The following PPIL3 variants were observed in gnomAD, a reference collection of about 807,000 sequenced individuals.
PPIL3 encodes the protein peptidylprolyl isomerase like 3, also known as peptidyl-prolyl cis-trans isomerase-like 3.
PPIL3 carries 13 observed loss-of-function variants against 20.9 expected under a neutral mutation model. The observed-to-expected ratio is 0.62, with a 90% CI of 0.40 to 0.99. The LOEUF (loss-of-function observed/expected upper bound fraction) is 0.99. PPIL3 is among the 50% of genes least tolerant of loss of function. The pLI, the probability that PPIL3 is intolerant of heterozygous loss-of-function variation, is 0.00. For missense variants in PPIL3, 170 were observed against 195.2 expected (o/e 0.87, Z 0.77); for synonymous variants, 71 against 64.4 (o/e 1.10, Z -0.49).
intron 3 of PPIL3, among the ~76,000 whole-genome samples, chr2:200,884,378 G>A (rs1211697675): frequency 3.3e-5 from 5 of 151,436 alleles, no homozygotes; most frequent in Non-Finnish European, 7.4e-5. Context: ...CTCCAGCCTG[G>A]GCAACAAGAG....
At position 200,886,874 on chromosome 2, in the gene PPIL3, A is replaced by G. The variant is rs986025274; in HGVS notation, c.3+739T>C. On this transcript the variant is annotated intron_variant, in intron 2 of 6. Transcript: ENST00000392283. ...AGACGGGGGCCTCACTGTGTTGCCCAAGCTGGTGTTGAACTCCTGGGATCA... is the reference window on the plus strand; with the variant it reads ...AGACGGGGGCCTCACTGTGTTGCCCGAGCTGGTGTTGAACTCCTGGGATCA... 5.7e-4 allele frequency: 86 copies of G among 152,174 alleles called. 6 individuals carry two copies. 9.4% of individuals were successfully genotyped at this position (152,174 alleles called of 1,614,324 possible). A position where few individuals can be genotyped will look rare whatever the true frequency, so the allele number is the denominator to read the frequency against.
Position 200,871,278 on chromosome 2 carries a change from G to T in PPIL3, c.*117C>A. The T allele has an allele frequency of 8.9e-7, 1 of 1,118,132 alleles. No homozygotes were observed. The highest frequency in any genetic ancestry group is 1.3e-6 in the Non-Finnish European group (1 of 799,486). The allele number at this position is 1,118,132 out of a possible 1,614,324, so 69.3% of individuals were successfully genotyped here. ...CCCTTGGTACCACCATTTCATAGAAGATCATAGTTGTAAACAAGCAGAAGG... is the reference window on the plus strand; with the variant it reads ...CCCTTGGTACCACCATTTCATAGAATATCATAGTTGTAAACAAGCAGAAGG... On this transcript the variant is annotated 3_prime_UTR_variant, in exon 7 of 7. Coordinates refer to ENST00000392283, the MANE Select transcript of PPIL3 (RefSeq NM_130906.3).
rs987431088 is a variant in PPIL3, at chr2:200,887,750, T to C, written c.-70-65A>G. The C allele has an allele frequency of 4.6e-6, 3 of 648,026 alleles. No individual in the cohort carries two copies. In the African/African-American group the frequency reaches 5.6e-5, roughly 12 times the overall value. 40.1% of individuals were successfully genotyped at this position (648,026 alleles called of 1,614,324 possible). A position where few individuals can be genotyped will look rare whatever the true frequency, so the allele number is the denominator to read the frequency against. Reference sequence around the variant, plus strand: ...GTCTTAACTCACACACGCTCATCTTTACTGAACATTTTAAATAAAAACCTC... The same window carrying C: ...GTCTTAACTCACACACGCTCATCTTCACTGAACATTTTAAATAAAAACCTC... On this transcript the variant is annotated intron_variant, in intron 1 of 6. Transcript: ENST00000392283.
intron 1 of PPIL3, chr2:200,888,243 C>G (rs1034590722): frequency 1.3e-5 from 2 of 151,996 alleles, no homozygotes; most frequent in African/African-American, 4.8e-5. Context: ...TTGGGTGTCC[C>G]TTTTGCCTGG....
chr2:200,874,948 T>A (rs1366513426), intron 6 of PPIL3, among the ~76,000 whole-genome samples: 7 of 152,062 alleles, frequency 4.6e-5, no homozygotes, highest in Non-Finnish European at 7.4e-5. Flanking sequence ...AGACTGGGAG[T>A]CCTCTATTTT....
intron 2 of PPIL3, among the ~76,000 whole-genome samples, 161 bp from the exon 3 acceptor site, chr2:200,885,933 A>G (rs1158286636): frequency 6.6e-6 from 1 of 152,222 alleles, no homozygotes; most frequent in African/African-American, 2.4e-5. Context: ...TTAGAGGTTA[A>G]GTTGTACTTT....
At chr2:200,886,502 T>G (rs955286374) in intron 2 of PPIL3, among the ~76,000 whole-genome samples, 9 of 151,832 alleles carry the variant, frequency 5.9e-5, no homozygotes, top group African/African-American at 2.2e-4. Context: ...CTCGGCTCAC[T>G]ACAATCTCCA....
In PPIL3 at chr2:200,886,638, C is replaced by G. The variant is rs186883309; in HGVS notation, c.4-866G>C. Reference sequence around the variant, plus strand: ...ACAGGGTTTCACCATGTTGGCCAGGCTGGTCTCGAACTCCTGACCTCAAGT... The same window carrying G: ...ACAGGGTTTCACCATGTTGGCCAGGGTGGTCTCGAACTCCTGACCTCAAGT... On this transcript the variant is annotated intron_variant, in intron 2 of 6. Transcript: ENST00000392283. 1.2e-4 allele frequency among the ~76,000 whole-genome samples: 18 copies of G among 152,234 alleles called. No individual in the cohort carries two copies. In the East Asian group the frequency reaches 3.3e-3, roughly 28 times the overall value.
chr2:200,873,028 C>T (rs574390232), intron 6 of PPIL3, among the ~76,000 whole-genome samples: 18 of 152,092 alleles, frequency 1.2e-4, no homozygotes, highest in African/African-American at 4.1e-4. Flanking sequence ...CCTACCACCA[C>T]GCCTGGCTAA....
intron 5 of PPIL3, among the ~76,000 whole-genome samples, chr2:200,877,763 A>G (rs1193006604): frequency 6.6e-6 from 1 of 152,202 alleles, no homozygotes; most frequent in Non-Finnish European, 1.5e-5. Context: ...AATGACATTA[A>G]ATATATATTT....
Position 200,871,232 on chromosome 2 carries a change from G to T in PPIL3, c.*163C>A. 1 of 530,566 alleles carries T rather than the reference G, an allele frequency of 1.9e-6. No individual in the cohort carries two copies. The highest frequency in any genetic ancestry group is 3.2e-6 in the Non-Finnish European group (1 of 307,772). The allele number at this position is 530,566 out of a possible 1,614,324, so 32.9% of individuals were successfully genotyped here. A position where few individuals can be genotyped will look rare whatever the true frequency, so the allele number is the denominator to read the frequency against. On this transcript the variant is annotated 3_prime_UTR_variant, in exon 7 of 7. Coordinates refer to ENST00000392283, the MANE Select transcript of PPIL3 (RefSeq NM_130906.3). ...TAATAAAGAATATGCTCTAAGAATG[G>T]GGATAAAAGCTGTTGGGCGCCCCTT...
At chr2:200,872,718 C>T (rs747521166) in intron 6 of PPIL3, among the ~76,000 whole-genome samples, 6 of 152,124 alleles carry the variant, frequency 3.9e-5, no homozygotes, top group South Asian at 2.1e-4. Context: ...CTGGAAACCA[C>T]GGATGAAGTC....
intron 6 of PPIL3, 90 bp from the exon 7 acceptor site, chr2:200,871,611 A>T (rs998342468): frequency 1.7e-6 from 2 of 1,168,674 alleles, no homozygotes; most frequent in African/African-American, 3.1e-5. Flanking sequence ...CTTAAAAAAT[A>T]ATCAAGTCTT....
At position 200,871,208 on chromosome 2, in the gene PPIL3, AATAAAG is replaced by A. The variant is rs2039292592; in HGVS notation, c.*181_*186del. ...AAGAAATATGTTGGATAATCATTAT[AATAAAG>A]AATATGCTCTAAGAATGGGGATAAA... is the stretch of plus-strand genomic sequence containing the variant. On this transcript the variant is annotated 3_prime_UTR_variant, in exon 7 of 7. Transcript: ENST00000392283. 9.0e-6 allele frequency: 4 copies of A among 444,684 alleles called. No homozygotes were observed. In the East Asian group the frequency reaches 1.4e-4, roughly 15 times the overall value. The allele number at this position is 444,684 out of a possible 1,614,324, so 27.5% of individuals were successfully genotyped here. A position where few individuals can be genotyped will look rare whatever the true frequency, so the allele number is the denominator to read the frequency against.
intron 6 of PPIL3, among the ~76,000 whole-genome samples, chr2:200,875,416 C>T (rs2039472846): frequency 6.6e-6 from 1 of 152,002 alleles, no homozygotes. Context: ...TACAGGCACG[C>T]ACCACCGCAC....
chr2:200,876,134 G>GTT lies in PPIL3; in HGVS notation c.359+783_359+784dup, dbSNP rs886677890. 4.8e-3 allele frequency among the ~76,000 whole-genome samples: 695 copies of GTT among 144,694 alleles called. 2 individuals carry two copies. The highest frequency in any genetic ancestry group is 0.017 in the African/African-American group (650 of 37,730). 94.9% of individuals were successfully genotyped at this position (144,694 alleles called of 152,430 possible). On this transcript the variant is annotated intron_variant, in intron 6 of 6. Coordinates refer to ENST00000392283, the MANE Select transcript of PPIL3 (RefSeq NM_130906.3). ...GAGACCATGTCTCTAAAAAAAAAGT[G>GTT]TTTTTTTTGTTTTTTTTTTTTTTAA...
chr2:200,872,215 CTTTA>C (rs1384948328), intron 6 of PPIL3, among the ~76,000 whole-genome samples: 1 of 152,090 alleles, frequency 6.6e-6, no homozygotes, highest in Non-Finnish European at 1.5e-5. Context: ...TAGGAAAGCA[CTTTA>C]TTTATTACTA....
chr2:200,875,468 A>G (rs1219162685), intron 6 of PPIL3, among the ~76,000 whole-genome samples: 2 of 151,858 alleles, frequency 1.3e-5, no homozygotes, highest in Non-Finnish European at 2.9e-5. Flanking sequence ...GGGTTTCACC[A>G]TGTTGGCCTG....
At position 200,871,286 on chromosome 2, in the gene PPIL3, T is replaced by C. The variant is rs764275580; in HGVS notation, c.*109A>G. 8.2e-7 allele frequency: 1 copy of C among 1,217,576 alleles called. No individual in the cohort carries two copies. The highest frequency in any genetic ancestry group is 1.1e-6 in the Non-Finnish European group (1 of 880,844). The allele number at this position is 1,217,576 out of a possible 1,614,324, so 75.4% of individuals were successfully genotyped here. On this transcript the variant is annotated 3_prime_UTR_variant, in exon 7 of 7. Transcript: ENST00000392283. ...ACCACCATTTCATAGAAGATCATAG[T>C]TGTAAACAAGCAGAAGGATGATGCA...
Sources: gnomAD v4.1 joint callset for allele counts (sites outside exome capture counted in the v4.1 genomes callset) on GRCh38, gnomAD v4.1.1 for gene constraint, MANE v1.5 for transcripts, NCBI Gene and HGNC (gene_info 2026-07-23, HGNC 2026-07-21) for gene names.